NREP: variants seen among roughly 807,000 people sequenced by gnomAD.
NREP encodes neuronal regeneration-related protein.
NREP carries 5 observed loss-of-function variants against 8.6 expected under a neutral mutation model. That is an observed-to-expected ratio of 0.58 (90% confidence interval 0.30 to 1.22). The LOEUF (loss-of-function observed/expected upper bound fraction) is 1.22. Among genes scored for constraint, NREP ranks in the 50% most tolerant of loss-of-function variants. The pLI is 0.07. For synonymous variants in NREP, 27 were observed against 28.0 expected (o/e 0.96, Z 0.11); for missense variants, 86 against 82.5 (o/e 1.04, Z -0.17).
upstream of NREP, chr5:111,757,818 C>T (rs1750831230): frequency 1.1e-5 from 11 of 970,004 alleles, no homozygotes; most frequent in South Asian, 3.8e-4. Context: ...GCTTTTCAGA[C>T]AAATAAGGAG....
chr5:111,885,893 A>G (rs1754232038), intron 2 of NREP, among the ~76,000 whole-genome samples: 1 of 152,314 alleles, frequency 6.6e-6, no homozygotes, highest in Non-Finnish European at 1.5e-5. Flanking sequence ...AGGCATTACC[A>G]TTCAGGACAT....
chr5:111,935,024 G>C (rs974864910), intron 2 of NREP, among the ~76,000 whole-genome samples: 3 of 152,042 alleles, frequency 2.0e-5, no homozygotes, highest in African/African-American at 7.2e-5. Context: ...AGGGCCATCA[G>C]GGAAAGAAAT....
At chr5:111,948,565 A>G (rs1260976677) in intron 2 of NREP, among the ~76,000 whole-genome samples, 1 of 152,116 alleles carries the variant, frequency 6.6e-6, no homozygotes, top group East Asian at 1.9e-4. Context: ...AGACAAAAAC[A>G]AGAGCCCCTC....
intron 2 of NREP, chr5:111,739,762 T>C (rs1305562716): frequency 6.6e-6 from 1 of 152,188 alleles, no homozygotes; most frequent in East Asian, 1.9e-4. Flanking sequence ...GGTTTGCATC[T>C]AGAAAATTTA....
chr5:111,909,556 A>C (rs1268558898), intron 2 of NREP, among the ~76,000 whole-genome samples: 2 of 152,036 alleles, frequency 1.3e-5, no homozygotes, highest in Non-Finnish European at 2.9e-5. Context: ...CTGGATGACA[A>C]ACTTGCTTTC....
chr5:111,827,559 G>A (rs1752657967), intron 2 of NREP, among the ~76,000 whole-genome samples: 1 of 152,136 alleles, frequency 6.6e-6, no homozygotes, highest in South Asian at 2.1e-4. Context: ...AATAAAACCT[G>A]TGTGCTCTAG....
chr5:111,887,102 T>G (rs939104793), intron 2 of NREP, among the ~76,000 whole-genome samples: 30 of 152,078 alleles, frequency 2.0e-4, no homozygotes, highest in African/African-American at 6.0e-4. Context: ...TATTAAATTT[T>G]TTATAGAGTT....
chr5:111,737,028 C>T (rs1385749879), intron 2 of NREP, among the ~76,000 whole-genome samples: 1 of 152,182 alleles, frequency 6.6e-6, no homozygotes, highest in Non-Finnish European at 1.5e-5. Context: ...AGAGCTCATT[C>T]TGCAAGAGCT....
chr5:111,933,821 C>T (rs1755609012), intron 2 of NREP, among the ~76,000 whole-genome samples: 1 of 151,988 alleles, frequency 6.6e-6, no homozygotes, highest in South Asian at 2.1e-4. Context: ...TAAAGAGAAC[C>T]CACAGCTACT....
intron 2 of NREP, among the ~76,000 whole-genome samples, chr5:111,743,123 T>A (rs896374782): frequency 1.3e-5 from 2 of 151,314 alleles, no homozygotes; most frequent in Non-Finnish European, 2.9e-5. Flanking sequence ...ACAAATCTTA[T>A]AAGTAATATC....
chr5:111,900,283 C>G (rs1361874680), intron 2 of NREP, among the ~76,000 whole-genome samples: 5 of 151,692 alleles, frequency 3.3e-5, no homozygotes, highest in Non-Finnish European at 7.4e-5. Flanking sequence ...ACAGCAAAAG[C>G]AGTGCTGAGA....
chr5:111,963,062 C>A (rs1033176605), intron 2 of NREP, among the ~76,000 whole-genome samples: 1 of 152,248 alleles, frequency 6.6e-6, no homozygotes, highest in South Asian at 2.1e-4. Context: ...GGAGGGCAGC[C>A]GCCCTGCGCA....
chr5:111,890,827 C>T (rs1754376197), intron 2 of NREP, among the ~76,000 whole-genome samples: 2 of 152,236 alleles, frequency 1.3e-5, no homozygotes, highest in South Asian at 4.1e-4. Context: ...CCATTCTTCC[C>T]TGCTAGGCCT....
chr5:111,970,825 C>CAAAAAAAAAA (rs33962098), intron 2 of NREP, among the ~76,000 whole-genome samples: 9 of 53,608 alleles, frequency 1.7e-4, no homozygotes, highest in Admixed American at 4.6e-4. Context: ...GACTCCATCT[C>CAAAAAAAAAA]AAAAAAAAAA....
intron 2 of NREP, among the ~76,000 whole-genome samples, chr5:111,799,892 T>G (rs1311133161): frequency 6.6e-6 from 1 of 152,146 alleles, no homozygotes; most frequent in Non-Finnish European, 1.5e-5. Context: ...GTTGGTTTGT[T>G]GGTAGTAAAG....
intron 2 of NREP, among the ~76,000 whole-genome samples, chr5:111,899,186 GAGAA>G (rs1754583662): frequency 6.6e-6 from 1 of 152,086 alleles, no homozygotes; most frequent in Admixed American, 6.6e-5. Context: ...AAATGAGAAA[GAGAA>G]AGGAGTCAAA....
At chr5:111,848,980 A>T (rs1010645161) in intron 2 of NREP, among the ~76,000 whole-genome samples, 1 of 152,082 alleles carries the variant, frequency 6.6e-6, no homozygotes, top group African/African-American at 2.4e-5. Flanking sequence ...TTTGGATCTC[A>T]TACTCTTCAC....
intron 2 of NREP, among the ~76,000 whole-genome samples, chr5:111,916,465 G>T (rs1008053687): frequency 2.0e-5 from 3 of 152,056 alleles, no homozygotes; most frequent in Admixed American, 6.6e-5. Flanking sequence ...ACCTTCCCCA[G>T]TCCTAGATGG....
At chr5:111,845,125 G>C (rs1227066456) in intron 2 of NREP, among the ~76,000 whole-genome samples, 1 of 152,018 alleles carries the variant, frequency 6.6e-6, no homozygotes, top group Non-Finnish European at 1.5e-5. Flanking sequence ...CAGTAGGGCA[G>C]ACCTTGTGCT....
Sources: gnomAD v4.1 joint callset for allele counts (sites outside exome capture counted in the v4.1 genomes callset) on GRCh38, gnomAD v4.1.1 for gene constraint, MANE v1.5 for transcripts, NCBI Gene and HGNC (gene_info 2026-07-23, HGNC 2026-07-21) for gene names.